IRAK3: variants seen among roughly 807,000 people sequenced by gnomAD.
IRAK3 encodes interleukin 1 receptor associated kinase 3, also known as interleukin-1 receptor-associated kinase 3.
A neutral mutation model predicts 56.6 loss-of-function variants in IRAK3; 57 were observed. The ratio of observed to expected loss-of-function variants is 1.01; its 90% CI spans 0.81 to 1.26. The LOEUF (loss-of-function observed/expected upper bound fraction) is 1.26. Ranked by LOEUF, IRAK3 falls within the 50% of genes most tolerant of loss-of-function variation. IRAK3 has a pLI of 0.00. For synonymous variants in IRAK3, 258 were observed against 255.7 expected (o/e 1.01, Z -0.09); for missense variants, 703 against 719.0 (o/e 0.98, Z 0.25).
intron 8 of IRAK3, among the ~76,000 whole-genome samples, chr12:66,243,827 T>A (rs893667261): frequency 2.0e-5 from 3 of 152,194 alleles, no homozygotes; most frequent in African/African-American, 7.2e-5. Context: ...GACAGCCCTT[T>A]GAAGGTAAAA....
chr12:66,218,788 CAA>C (rs2052702496), intron 6 of IRAK3, among the ~76,000 whole-genome samples: 1 of 152,160 alleles, frequency 6.6e-6, no homozygotes. Flanking sequence ...GTTCATTGTA[CAA>C]TGGAAAGGTT....
At chr12:66,223,029 G>A (rs187015435) in intron 6 of IRAK3, among the ~76,000 whole-genome samples, 20 of 152,112 alleles carry the variant, frequency 1.3e-4, no homozygotes, top group South Asian at 6.2e-4. Context: ...TCTCTGTGGG[G>A]CAGGAGTGGG....
chr12:66,241,757 A>G lies in IRAK3; in HGVS notation c.888-2729A>G, dbSNP rs377400837. On this transcript the variant is annotated intron_variant, in intron 8 of 11. Transcript: ENST00000261233. Reference sequence around the variant, plus strand: ...ATTCAGTACCCTAGAATAATTTCACATCTTGTTGATGGCCTTTCACTGACC... The same window carrying G: ...ATTCAGTACCCTAGAATAATTTCACGTCTTGTTGATGGCCTTTCACTGACC... Among the ~76,000 whole-genome samples the G allele has an allele frequency of 1.8e-4, 28 of 152,332 alleles. No homozygotes were observed. The South Asian group carries it at 4.6e-3, about 25-fold the overall frequency.
intron 8 of IRAK3, among the ~76,000 whole-genome samples, chr12:66,237,489 TCTTA>T (rs1245567861): frequency 6.6e-6 from 1 of 152,204 alleles, no homozygotes; most frequent in Non-Finnish European, 1.5e-5. Flanking sequence ...ATCAATAGTC[TCTTA>T]GTCTTTCATG....
Position 66,254,599 on chromosome 12 carries a change from GAAT to G in IRAK3, c.*6431_*6433del, listed in dbSNP as rs1565816524. 1 of 150,452 alleles carries G rather than the reference GAAT, an allele frequency of 6.6e-6. No individual in the cohort carries two copies. Among genetic ancestry groups the G allele is most frequent in the Admixed American group, 6.6e-5 (1 of 15,094 alleles). The allele number at this position is 150,452 out of a possible 1,614,324, so 9.3% of individuals were successfully genotyped here. A position where few individuals can be genotyped will look rare whatever the true frequency, so the allele number is the denominator to read the frequency against. The stretch of plus-strand genomic sequence containing the variant: ...AACATATATCATTTTTATTAGAAAA[GAAT>G]AAAGTTTTTGAAAAAAAAAACAGTC... On this transcript the variant is annotated 3_prime_UTR_variant, in exon 12 of 12. Coordinates refer to ENST00000261233, the MANE Select transcript of IRAK3 (RefSeq NM_007199.3).
chr12:66,250,960 T>A lies in IRAK3; in HGVS notation c.*2789T>A, dbSNP rs2053093453. 1 of 152,218 alleles carries A rather than the reference T, an allele frequency of 6.6e-6. No homozygotes were observed. The highest frequency in any genetic ancestry group is 1.5e-5 in the Non-Finnish European group (1 of 68,040). 9.4% of individuals were successfully genotyped at this position (152,218 alleles called of 1,614,324 possible). A position where few individuals can be genotyped will look rare whatever the true frequency, so the allele number is the denominator to read the frequency against. ...ATCCGTGAAAATCGCTGCCTTAAGG[T>A]GCTCTTAAATTGTTATAGATTGGTA... On this transcript the variant is annotated 3_prime_UTR_variant, in exon 12 of 12. Coordinates refer to ENST00000261233, the MANE Select transcript of IRAK3 (RefSeq NM_007199.3).
chr12:66,235,414 T>A (rs2052896089), intron 8 of IRAK3, among the ~76,000 whole-genome samples: 1 of 151,082 alleles, frequency 6.6e-6, no homozygotes, highest in Non-Finnish European at 1.5e-5. Context: ...GGGAACTCCC[T>A]CTCGCCGCGC....
At chr12:66,206,072 GCTT>G (rs1351065665) in intron 2 of IRAK3, among the ~76,000 whole-genome samples, 2 of 151,578 alleles carry the variant, frequency 1.3e-5, no homozygotes, top group South Asian at 2.1e-4. Flanking sequence ...CTTTCTACTG[GCTT>G]CTTCTTAAGA....
Position 66,189,522 on chromosome 12 carries a change from C to T in IRAK3, c.133+90C>T, listed in dbSNP as rs991507286. ...GTCGCCCTGCATGGCTGGGGTCCCT[C>T]GCGGGGCTGGCGCGGCCTCCGGGAA... On this transcript the variant is annotated intron_variant, in intron 1 of 11. Transcript: ENST00000261233. The T allele has an allele frequency of 3.0e-5, 28 of 921,500 alleles. No individual in the cohort carries two copies. In the African/African-American group the frequency reaches 4.1e-4, roughly 13 times the overall value. The allele number at this position is 921,500 out of a possible 1,614,324, so 57.1% of individuals were successfully genotyped here.
rs1374055343 is a variant in IRAK3 at position 66,251,102 on chromosome 12, G to A, written c.*2931G>A. 6.6e-6 allele frequency: 1 copy of A among 152,196 alleles called. No homozygotes were observed. Among genetic ancestry groups the A allele is most frequent in the Non-Finnish European group, 1.5e-5 (1 of 68,026 alleles). The allele number at this position is 152,196 out of a possible 1,614,324, so 9.4% of individuals were successfully genotyped here. ...TAGCACAGAGTGGGAGCTCTAGAAAGATTGTTGACCAATCATCTTATTGAC... is the reference window on the plus strand; with the variant it reads ...TAGCACAGAGTGGGAGCTCTAGAAAAATTGTTGACCAATCATCTTATTGAC... On this transcript the variant is annotated 3_prime_UTR_variant, in exon 12 of 12. Transcript: ENST00000261233.
At position 66,249,731 on chromosome 12, in the gene IRAK3, T is replaced by A. The variant is rs1565814637; in HGVS notation, c.*1560T>A. 2.8e-5 allele frequency: 1 copy of A among 36,126 alleles called. No homozygotes were observed. The highest frequency in any genetic ancestry group is 6.0e-5 in the Non-Finnish European group (1 of 16,724). 2.2% of individuals were successfully genotyped at this position (36,126 alleles called of 1,614,324 possible). On this transcript the variant is annotated 3_prime_UTR_variant, in exon 12 of 12. Coordinates refer to ENST00000261233, the MANE Select transcript of IRAK3 (RefSeq NM_007199.3). ...CAACGTGACATTTCAGATCTCCCTC[T>A]CTCTGTCTGTCTCACCGCATCTCTT...
chr12:66,243,327 A>G (rs1189138291), intron 8 of IRAK3, among the ~76,000 whole-genome samples: 4 of 152,224 alleles, frequency 2.6e-5, no homozygotes, highest in African/African-American at 7.2e-5. Flanking sequence ...AAGATCCAAA[A>G]TTTGTTCAGA....
intron 1 of IRAK3, among the ~76,000 whole-genome samples, chr12:66,199,806 T>C (rs2052489771): frequency 6.6e-6 from 1 of 152,236 alleles, no homozygotes; most frequent in Non-Finnish European, 1.5e-5. Flanking sequence ...TATAGGCAGA[T>C]TACCTCATCA....
In IRAK3 at chr12:66,203,770, G is replaced by A; in HGVS notation, c.193G>A (p.Gly65Ser). ...VRHIEKYVDQ[G>S]KSGTRELLWS... ...TCATATTGAAAAGTATGTAGACCAA[G>A]GTAAAAGTGGAACAAGAGAATTACT... is the stretch of plus-strand genomic sequence containing the variant. Residue 65 changes from glycine to serine, a missense_variant, in exon 2 of 12, where the codon GGT becomes AGT. Coordinates refer to ENST00000261233, the MANE Select transcript of IRAK3 (RefSeq NM_007199.3). 6.2e-7 allele frequency: 1 copy of A among 1,614,008 alleles called. No individual in the cohort carries two copies. The highest frequency in any genetic ancestry group is 8.5e-7 in the Non-Finnish European group (1 of 1,179,940).
chr12:66,190,096 G>A lies in IRAK3; in HGVS notation c.133+664G>A, dbSNP rs142984544. 4.1e-3 allele frequency among the ~76,000 whole-genome samples: 621 copies of A among 152,256 alleles called. 3 individuals are homozygous for A. The highest frequency in any genetic ancestry group is 0.017 in the Middle Eastern group (5 of 294). ...GTTGAGTGTAGCCAGAGATAATTCG[G>A]ACAAAAATCTTCGTTTTGTTAAGTA... On this transcript the variant is annotated intron_variant, in intron 1 of 11. Transcript: ENST00000261233.
chr12:66,237,117 C>T (rs1192873137), intron 8 of IRAK3, among the ~76,000 whole-genome samples: 1 of 152,150 alleles, frequency 6.6e-6, no homozygotes, highest in African/African-American at 2.4e-5. Flanking sequence ...GGGCAAGTCA[C>T]TTAATCCCCT....
chr12:66,225,681 C>T (rs537086703), intron 6 of IRAK3, among the ~76,000 whole-genome samples: 3 of 151,666 alleles, frequency 2.0e-5, no homozygotes, highest in East Asian at 3.9e-4. Context: ...TACCTGGGCT[C>T]ATAGTGATGG....
At chr12:66,219,419 T>G (rs1281418675) in intron 6 of IRAK3, among the ~76,000 whole-genome samples, 1 of 152,258 alleles carries the variant, frequency 6.6e-6, no homozygotes, top group African/African-American at 2.4e-5. Flanking sequence ...TCTGTTCTTT[T>G]GTCTGCCGCC....
chr12:66,219,611 T>C (rs2052711207), intron 6 of IRAK3, among the ~76,000 whole-genome samples: 1 of 152,202 alleles, frequency 6.6e-6, no homozygotes, highest in African/African-American at 2.4e-5. Context: ...ATGGTAGTTG[T>C]ATTTTCAGTT....
Sources: allele counts gnomAD v4.1 joint callset (sites outside exome capture counted in the v4.1 genomes callset), GRCh38; gene constraint gnomAD v4.1.1; transcripts MANE v1.5; gene names NCBI Gene and HGNC (gene_info 2026-07-23, HGNC 2026-07-21).